C1orf54: variants seen among roughly 807,000 people sequenced by gnomAD.
C1orf54 encodes uncharacterized protein C1orf54.
Under a neutral mutation model 14.7 loss-of-function variants are expected in C1orf54, and 12 were observed. That is an observed-to-expected ratio of 0.82 (90% confidence interval 0.52 to 1.32). The LOEUF is 1.32. Ranked by LOEUF, C1orf54 falls within the 40% of genes most tolerant of loss-of-function variation. The pLI is 0.00. For missense variants in C1orf54, 163 were observed against 162.2 expected (o/e 1.00, Z -0.03); for synonymous variants, 65 against 56.3 (o/e 1.16, Z -0.70).
chr1:150,270,598 C>A (rs914215735), upstream of C1orf54, among the ~76,000 whole-genome samples: 11 of 151,390 alleles, frequency 7.3e-5, no homozygotes, highest in Non-Finnish European at 1.2e-4. Flanking sequence ...AGCTGAGATC[C>A]CACCACTGCA....
chr1:150,269,966 G>A (rs1420997772), upstream of C1orf54, among the ~76,000 whole-genome samples: 1 of 152,184 alleles, frequency 6.6e-6, no homozygotes, highest in Non-Finnish European at 1.5e-5. Flanking sequence ...GAACCCAAGA[G>A]GCAGAGGTGG....
chr1:150,273,953 T>C, intron 1 of C1orf54, 134 bp from the exon 2 acceptor site: 1 of 663,306 alleles, frequency 1.5e-6, no homozygotes, highest in Non-Finnish European at 2.7e-6. Context: ...GGAGTATGAC[T>C]ATTGGAGGAG....
At chr1:150,278,225 G>A (rs10157197) in intron 4 of C1orf54, among the ~76,000 whole-genome samples, 61,152 of 151,998 alleles carry the variant, frequency 0.4, 12,891 homozygotes, top group East Asian at 0.71. Flanking sequence ...ATGGAGAGGA[G>A]AAAAATAAAT....
upstream of C1orf54, among the ~76,000 whole-genome samples, chr1:150,270,866 G>C (rs1553851145): frequency 4.1e-5 from 6 of 147,668 alleles, no homozygotes; most frequent in East Asian, 4.3e-4. Flanking sequence ...CGTGGTGGCG[G>C]GCGCCTGTAG....
upstream of C1orf54, among the ~76,000 whole-genome samples, chr1:150,271,513 C>A (rs1652205350): frequency 6.6e-6 from 1 of 152,226 alleles, no homozygotes; most frequent in Non-Finnish European, 1.5e-5. Context: ...TAGTGCCTGA[C>A]TCATAGTAGA....
intron 5 of C1orf54, 145 bp from the exon 6 acceptor site, chr1:150,280,690 G>A: frequency 3.2e-6 from 2 of 630,586 alleles, no homozygotes; most frequent in South Asian, 1.9e-5. Flanking sequence ...GGAGGAGAGG[G>A]GTACACACAC....
intron 4 of C1orf54, among the ~76,000 whole-genome samples, chr1:150,279,075 A>G (rs1560046049): frequency 1.3e-5 from 2 of 152,240 alleles, no homozygotes; most frequent in Admixed American, 6.5e-5. Flanking sequence ...GTTTGAGACC[A>G]GCCTGGCCAA....
intron 1 of C1orf54, among the ~76,000 whole-genome samples, chr1:150,273,444 C>G (rs1367775170): frequency 6.6e-6 from 1 of 152,144 alleles, no homozygotes; most frequent in East Asian, 1.9e-4. Flanking sequence ...GGAAAGCATT[C>G]AAGGAGCTCA....
chr1:150,276,487 A>G (rs369921118), intron 3 of C1orf54, 35 bp from the exon 4 acceptor site: 27 of 1,541,022 alleles, frequency 1.8e-5, no homozygotes, highest in Admixed American at 6.7e-5. Flanking sequence ...GGAAAAACTG[A>G]TAACTCTGTG....
chr1:150,268,943 C>G, upstream of C1orf54: 2 of 713,494 alleles, frequency 2.8e-6, no homozygotes, highest in East Asian at 2.8e-5. Context: ...CCCCCAGACC[C>G]CGGGGAAGGG....
At chr1:150,272,139 C>CA (rs149754126), upstream of C1orf54, 1,415 of 142,276 alleles carry the variant, frequency 9.9e-3, 57 homozygotes, top group Admixed American at 0.063. Flanking sequence ...GATTCTGTCT[C>CA]AAAAAAAAAA....
chr1:150,270,534 T>G (rs1370904362), upstream of C1orf54, among the ~76,000 whole-genome samples: 1 of 151,790 alleles, frequency 6.6e-6, no homozygotes, highest in Non-Finnish European at 1.5e-5. Context: ...TCCCAGCTAC[T>G]CAGGAGGCTG....
At chr1:150,280,741 A>AT in intron 5 of C1orf54, 94 bp from the exon 6 acceptor site, 1 of 980,148 alleles carries the variant, frequency 1.0e-6, no homozygotes. Flanking sequence ...CCAGCTCAGA[A>AT]TATCTGGGGA....
intron 4 of C1orf54, 85 bp from the exon 5 acceptor site, chr1:150,279,555 AGAG>A: frequency 8.5e-7 from 1 of 1,173,902 alleles, no homozygotes; most frequent in East Asian, 2.6e-5. Context: ...GTTGTTGTAA[AGAG>A]GTGGCAGTCT....
upstream of C1orf54, among the ~76,000 whole-genome samples, chr1:150,270,291 C>T (rs797044083): frequency 5.3e-5 from 8 of 152,302 alleles, no homozygotes; most frequent in African/African-American, 1.4e-4. Flanking sequence ...CACTCACATA[C>T]ATGTTTTACA....
rs1652434249 is a variant in C1orf54, at chr1:150,274,104, G to T, written c.64G>T (p.Glu22Ter). The change falls in exon 2 of 6, where the codon GAA becomes TAA. Residue 22 changes from glutamate to a stop codon, truncating the protein, a stop_gained. Coordinates refer to ENST00000369099, the MANE Select transcript of C1orf54 (RefSeq NM_024579.4). LOFTEE classifies it high-confidence loss of function. ...CCCCATAGGACAAGAATATGAGGAT[G>T]AAGAAAGACTGGGAGAGGATGAATA... is the stretch of plus-strand genomic sequence containing the variant. ...PLILGQEYED[E>*]ERLGEDEYYQ... is the part of the protein sequence containing the mutation. 2 of 1,612,072 alleles carry T rather than the reference G, an allele frequency of 1.2e-6. No homozygotes were observed.
intron 2 of C1orf54, 110 bp downstream of exon 2, chr1:150,274,280 A>G: frequency 3.7e-6 from 3 of 813,272 alleles, no homozygotes; most frequent in Non-Finnish European, 6.0e-6. Flanking sequence ...GTCAGAGAAA[A>G]ATCTGGCTAT....
At chr1:150,277,517 A>AAAG in intron 4 of C1orf54, among the ~76,000 whole-genome samples, 1 of 150,332 alleles carries the variant, frequency 6.7e-6, no homozygotes, top group East Asian at 1.9e-4. Flanking sequence ...AAAAAAAAAA[A>AAAG]AAAAAAAAAA....
chr1:150,274,707 G>C (rs1553852037), intron 2 of C1orf54, among the ~76,000 whole-genome samples: 4 of 151,350 alleles, frequency 2.6e-5, no homozygotes. Context: ...GCGGTCAGGA[G>C]TTTGAGACCA....
Sources: gnomAD v4.1 joint callset for allele counts (sites outside exome capture counted in the v4.1 genomes callset) on GRCh38, gnomAD v4.1.1 for gene constraint, MANE v1.5 for transcripts, NCBI Gene and HGNC (gene_info 2026-07-23, HGNC 2026-07-21) for gene names.